Variants in RNF24 observed in about 807,000 individuals in gnomAD.
RNF24 encodes ring finger protein 24.
In RNF24, 14 loss-of-function variants were observed where a neutral mutation model predicts 20.0. The observed-to-expected ratio is 0.70, with a 90% CI of 0.46 to 1.10. The LOEUF is 1.10. Ranked by LOEUF, RNF24 falls within the 50% of genes least tolerant of loss-of-function variation. RNF24 has a pLI of 0.00. For synonymous variants in RNF24, 45 were observed against 61.1 expected (o/e 0.74, Z 1.23); for missense variants, 124 against 177.6 (o/e 0.70, Z 1.71).
At chr20:3,978,140 G>C (rs1979049166) in intron 1 of RNF24, among the ~76,000 whole-genome samples, 1 of 150,966 alleles carries the variant, frequency 6.6e-6, no homozygotes, top group African/African-American at 2.4e-5. Context: ...CGTGATCTCG[G>C]CTCACTGCAA....
intron 1 of RNF24, among the ~76,000 whole-genome samples, chr20:4,013,800 T>C (rs772354927): frequency 4.6e-5 from 7 of 152,160 alleles, no homozygotes; most frequent in East Asian, 1.9e-4. Context: ...TAAAAATACC[T>C]TGGAGGTGTG....
In RNF24 at chr20:4,014,353, G is replaced by A. The variant is rs564528818; in HGVS notation, c.-8+1084C>T. On this transcript the variant is annotated intron_variant, in intron 1 of 5. Transcript: ENST00000358395. The stretch of plus-strand genomic sequence containing the variant: ...AAGAAACAAAATCTGCCTGTATTCA[G>A]GAGCGGAGAAAACTGTGTCCTAGAT... Among the ~76,000 whole-genome samples the A allele has an allele frequency of 3.9e-5, 6 of 152,312 alleles. No individual in the cohort carries two copies. The South Asian group carries it at 1.2e-3, about 32-fold the overall frequency.
rs2090808706 is a variant in RNF24 at position 3,930,571 on chromosome 20, G to A, written c.*3492C>T. On this transcript the variant is annotated 3_prime_UTR_variant, in exon 6 of 6. Coordinates refer to ENST00000358395, the MANE Select transcript of RNF24 (RefSeq NM_001134337.3). ...GAGGCTAACCTGCAGAAGGGCCTAA[G>A]GCTAGTGAGTGACAAGAGGTGATTC... 6.6e-6 allele frequency: 1 copy of A among 152,256 alleles called. No homozygotes were observed. The highest frequency in any genetic ancestry group is 1.5e-5 in the Non-Finnish European group (1 of 68,072). The allele number at this position is 152,256 out of a possible 1,614,324, so 9.4% of individuals were successfully genotyped here.
intron 1 of RNF24, among the ~76,000 whole-genome samples, chr20:3,982,803 T>C (rs1979536842): frequency 6.6e-6 from 1 of 152,072 alleles, no homozygotes; most frequent in Admixed American, 6.5e-5. Flanking sequence ...GTGGAAGGAC[T>C]GCTTAGGCCC....
chr20:3,963,161 C>T (rs924465940), intron 2 of RNF24, among the ~76,000 whole-genome samples: 2 of 152,108 alleles, frequency 1.3e-5, no homozygotes, highest in African/African-American at 4.8e-5. Flanking sequence ...GTCAACATAT[C>T]TATGAGATAT....
intron 1 of RNF24, among the ~76,000 whole-genome samples, chr20:3,981,373 T>C (rs979817976): frequency 1.3e-5 from 2 of 152,194 alleles, no homozygotes; most frequent in African/African-American, 2.4e-5. Context: ...TAAATTTAAA[T>C]GTTTAATCCA....
rs146553636 is a variant in RNF24, at chr20:3,997,348, T to C, written c.-8+18089A>G. On this transcript the variant is annotated intron_variant, in intron 1 of 5. Coordinates refer to ENST00000358395, the MANE Select transcript of RNF24 (RefSeq NM_001134337.3). Reference sequence around the variant, plus strand: ...TATACTGATGTTCTAGGTAGGTCAGTACTATTTTAAATTATTTTGTATTCA... The same window carrying C: ...TATACTGATGTTCTAGGTAGGTCAGCACTATTTTAAATTATTTTGTATTCA... Among the ~76,000 whole-genome samples, 12 of 151,984 alleles carry C rather than the reference T, an allele frequency of 7.9e-5. No homozygotes were observed. In the East Asian group the frequency reaches 1.9e-3, roughly 24 times the overall value.
chr20:3,954,629 G>C (rs2091120676), intron 2 of RNF24, among the ~76,000 whole-genome samples: 1 of 152,212 alleles, frequency 6.6e-6, no homozygotes, highest in Non-Finnish European at 1.5e-5. Flanking sequence ...AACTGGCCAG[G>C]TATGGTGGCT....
At chr20:3,935,140 G>A (rs1471922553) in intron 4 of RNF24, 67 bp from the exon 5 acceptor site, 1 of 1,349,094 alleles carries the variant, frequency 7.4e-7, no homozygotes, top group East Asian at 2.3e-5. Flanking sequence ...AAAGTAGAGT[G>A]CAGGCTCCTA....
chr20:3,968,962 A>C (rs1411569168), intron 1 of RNF24, among the ~76,000 whole-genome samples: 1 of 152,032 alleles, frequency 6.6e-6, no homozygotes, highest in Non-Finnish European at 1.5e-5. Flanking sequence ...ATCCTAGGCC[A>C]TGAGTATTAG....
intron 1 of RNF24, among the ~76,000 whole-genome samples, chr20:3,990,067 TTAGG>T (rs1355253220): frequency 6.6e-6 from 1 of 152,146 alleles, no homozygotes; most frequent in African/African-American, 2.4e-5. Context: ...ATTGGGACAA[TTAGG>T]TAGCCAGTTG....
intron 2 of RNF24, among the ~76,000 whole-genome samples, chr20:3,952,705 A>C (rs1021910079): frequency 1.3e-5 from 2 of 151,500 alleles, no homozygotes; most frequent in Non-Finnish European, 2.9e-5. Flanking sequence ...TTTTTTGTAG[A>C]TACTCTTTCA....
chr20:3,983,041 T>C (rs1979557297), intron 1 of RNF24, among the ~76,000 whole-genome samples: 1 of 152,210 alleles, frequency 6.6e-6, no homozygotes, highest in Non-Finnish European at 1.5e-5. Flanking sequence ...TCTTTCCCCT[T>C]CTGCAATGTG....
At chr20:3,993,181 G>A (rs757260940) in intron 1 of RNF24, among the ~76,000 whole-genome samples, 1 of 152,106 alleles carries the variant, frequency 6.6e-6, no homozygotes, top group Non-Finnish European at 1.5e-5. Flanking sequence ...ATCACTATGG[G>A]ATAGATATTA....
At chr20:4,002,076 C>T (rs1981443964) in intron 1 of RNF24, among the ~76,000 whole-genome samples, 2 of 151,930 alleles carry the variant, frequency 1.3e-5, no homozygotes, top group South Asian at 2.1e-4. Flanking sequence ...CATCATGAAA[C>T]CCCATCTCTA....
intron 1 of RNF24, among the ~76,000 whole-genome samples, chr20:4,004,317 T>C: frequency 6.6e-6 from 1 of 152,192 alleles, no homozygotes; most frequent in East Asian, 1.9e-4. Flanking sequence ...CCACACTTTG[T>C]ATCATGGTCT....
At chr20:3,946,539 A>C (rs2091019401) in intron 3 of RNF24, among the ~76,000 whole-genome samples, 1 of 151,640 alleles carries the variant, frequency 6.6e-6, no homozygotes, top group African/African-American at 2.4e-5. Context: ...AAGTACAAAA[A>C]TTAGCCGGGG....
chr20:3,932,888 TC>T lies in RNF24; in HGVS notation c.*1174del, dbSNP rs2090841085. The stretch of plus-strand genomic sequence containing the variant: ...AGCCAAAGAGCAGCATGCGTTTCTC[TC>T]CTATAAAGACACTTTCACTTTCAGT... On this transcript the variant is annotated 3_prime_UTR_variant, in exon 6 of 6. Coordinates refer to ENST00000358395, the MANE Select transcript of RNF24 (RefSeq NM_001134337.3). The T allele has an allele frequency of 2.5e-6, 1 of 398,416 alleles. No individual in the cohort carries two copies. The highest frequency in any genetic ancestry group is 2.1e-5 in the African/African-American group (1 of 48,594). The allele number at this position is 398,416 out of a possible 1,614,324, so 24.7% of individuals were successfully genotyped here.
At chr20:3,957,457 C>CAAA (rs71195873) in intron 2 of RNF24, among the ~76,000 whole-genome samples, 1 of 94,540 alleles carries the variant, frequency 1.1e-5, no homozygotes. Context: ...GACCCTGTCT[C>CAAA]AAAAAAAAAA....
Sources: allele counts gnomAD v4.1 joint callset (sites outside exome capture counted in the v4.1 genomes callset), GRCh38; gene constraint gnomAD v4.1.1; transcripts MANE v1.5; gene names NCBI Gene and HGNC (gene_info 2026-07-23, HGNC 2026-07-21).